The following STYX variants were observed in gnomAD, a reference collection of about 807,000 sequenced individuals.
The protein encoded by STYX is serine/threonine/tyrosine interacting protein.
A neutral mutation model predicts 42.7 loss-of-function variants in STYX; 20 were observed. That is an observed-to-expected ratio of 0.47 (90% CI 0.33 to 0.68). STYX has a LOEUF of 0.68. STYX is among the 30% of genes least tolerant of loss of function. The pLI is 0.02. For missense variants in STYX, 226 were observed against 268.5 expected (o/e 0.84, Z 1.11); for synonymous variants, 78 against 81.9 (o/e 0.95, Z 0.26).
intron 9 of STYX, among the ~76,000 whole-genome samples, chr14:52,764,957 C>T (rs1298482106): frequency 2.0e-5 from 3 of 152,138 alleles, no homozygotes; most frequent in Non-Finnish European, 4.4e-5. Flanking sequence ...GCGTGAGCCA[C>T]GGCGCCCAGC....
chr14:52,743,738 T>C (rs1298550853), intron 1 of STYX, among the ~76,000 whole-genome samples: 6 of 152,244 alleles, frequency 3.9e-5, no homozygotes, highest in Admixed American at 3.9e-4. Flanking sequence ...TTCAGAAACC[T>C]AATTACTAAT....
At chr14:52,744,248 C>G (rs1881310530) in intron 1 of STYX, among the ~76,000 whole-genome samples, 1 of 152,026 alleles carries the variant, frequency 6.6e-6, no homozygotes, top group Admixed American at 6.6e-5. Context: ...GGTCTGCATT[C>G]CAAAGACAAA....
At chr14:52,754,785 C>T (rs1220634971) in intron 4 of STYX, among the ~76,000 whole-genome samples, 2 of 152,160 alleles carry the variant, frequency 1.3e-5, no homozygotes, top group Non-Finnish European at 2.9e-5. Context: ...TCATACTATT[C>T]ATTTCTAATG....
Position 52,750,793 on chromosome 14 carries a change from G to T in STYX, c.242+13G>T. The T allele has an allele frequency of 6.7e-7, 1 of 1,486,576 alleles. No homozygotes were observed. The highest frequency in any genetic ancestry group is 2.0e-5 in the Admixed American group (1 of 50,840). The allele number at this position is 1,486,576 out of a possible 1,614,324, so 92.1% of individuals were successfully genotyped here. The stretch of plus-strand genomic sequence containing the variant: ...AGCAGTTATTTAGGTAAGAATTATT[G>T]CTATGATTTGTAAAACACTTAATGA... On this transcript the variant is annotated intron_variant, in intron 4 of 10. Transcript: ENST00000354586.
intron 1 of STYX, among the ~76,000 whole-genome samples, chr14:52,738,625 C>G (rs1381359300): frequency 6.6e-6 from 1 of 152,126 alleles, no homozygotes; most frequent in Admixed American, 6.5e-5. Flanking sequence ...TGAGGAAATG[C>G]CACTCCAAAA....
At chr14:52,753,892 ATTTTTTTTTTTTT>A (rs56734068) in intron 4 of STYX, among the ~76,000 whole-genome samples, 1 of 77,234 alleles carries the variant, frequency 1.3e-5, no homozygotes, top group Non-Finnish European at 2.5e-5. Flanking sequence ...CAAAACACTG[ATTTTTTTTTTTTT>A]TTTTTTTTTT....
At chr14:52,757,435 G>A (rs1284613049) in intron 6 of STYX, 80 bp downstream of exon 6, 5 of 1,290,000 alleles carry the variant, frequency 3.9e-6, no homozygotes, top group African/African-American at 1.5e-5. Flanking sequence ...TGTCTTAAAT[G>A]CAGGATATGG....
intron 1 of STYX, among the ~76,000 whole-genome samples, chr14:52,742,550 C>G (rs995774454): frequency 1.3e-5 from 2 of 152,096 alleles, no homozygotes; most frequent in African/African-American, 2.4e-5. Flanking sequence ...AAAAATCTAA[C>G]TCACTTTTAT....
At chr14:52,754,991 A>G (rs1209931954) in intron 4 of STYX, among the ~76,000 whole-genome samples, 1 of 152,132 alleles carries the variant, frequency 6.6e-6, no homozygotes, top group Non-Finnish European at 1.5e-5. Flanking sequence ...CCCCTGAAGC[A>G]TTATTTTATG....
At chr14:52,755,501 G>C (rs1013729601) in intron 4 of STYX, among the ~76,000 whole-genome samples, 2 of 152,062 alleles carry the variant, frequency 1.3e-5, no homozygotes, top group African/African-American at 2.4e-5. Flanking sequence ...GTATTTTTTA[G>C]TGCAAAATTG....
At position 52,752,910 on chromosome 14, in the gene STYX, T is replaced by TA. The variant is rs551672307; in HGVS notation, c.242+2130_242+2131insA. On this transcript the variant is annotated intron_variant, in intron 4 of 10. Coordinates refer to ENST00000354586, the MANE Select transcript of STYX (RefSeq NM_145251.4). ...TTTTTTTTTTTTTTGAGATGGAGTC[T>TA]CACTCTGTCACCCAGGCTGGAGTGC... Among the ~76,000 whole-genome samples, 40 of 140,604 alleles carry TA rather than the reference T, an allele frequency of 2.8e-4. No individual in the cohort carries two copies. In the South Asian group the frequency reaches 9.7e-3, roughly 34 times the overall value. 92.2% of individuals were successfully genotyped at this position (140,604 alleles called of 152,430 possible).
At chr14:52,752,962 C>T (rs536690705) in intron 4 of STYX, among the ~76,000 whole-genome samples, 8 of 147,392 alleles carry the variant, frequency 5.4e-5, no homozygotes, top group Admixed American at 3.4e-4. Flanking sequence ...CTCACTGCAA[C>T]CTCTGCCTCC....
intron 10 of STYX, among the ~76,000 whole-genome samples, chr14:52,769,920 A>G (rs918160624): frequency 6.6e-6 from 1 of 152,060 alleles, no homozygotes; most frequent in African/African-American, 2.4e-5. Context: ...ATAGAATGCC[A>G]TATGCCCTTC....
chr14:52,757,754 G>A lies in STYX; in HGVS notation c.352G>A (p.Val118Met). Residue 118 changes from valine (V) to methionine (M), a missense_variant, in exon 7 of 11, where the codon GTG (valine) becomes ATG (methionine). Transcript: ENST00000354586. ...GSLQMGGKVLVHGNAGISRSA... is the reference protein window; with the variant it reads ...GSLQMGGKVLMHGNAGISRSA... The stretch of plus-strand genomic sequence containing the variant: ...TTCATGTTTTTCAGGAAAAGTTCTT[G>A]TGCATGGAAATGCAGGGATCTCCAG... The A allele has an allele frequency of 1.9e-6, 3 of 1,613,432 alleles. No homozygotes were observed. The highest frequency in any genetic ancestry group is 2.5e-6 in the Non-Finnish European group (3 of 1,179,694).
chr14:52,737,160 T>C (rs775132092), intron 1 of STYX, among the ~76,000 whole-genome samples: 2 of 152,224 alleles, frequency 1.3e-5, no homozygotes, highest in Non-Finnish European at 2.9e-5. Flanking sequence ...ACATATCCCC[T>C]GTGGATAAGG....
At chr14:52,746,587 G>A (rs913151635) in intron 3 of STYX, 108 bp downstream of exon 3, 5 of 891,292 alleles carry the variant, frequency 5.6e-6, no homozygotes, top group Non-Finnish European at 8.5e-6. Flanking sequence ...CACAAATACT[G>A]TCTGTTAACA....
At chr14:52,770,982 T>C in intron 10 of STYX, 51 bp from the exon 11 acceptor site, 1 of 1,573,630 alleles carries the variant, frequency 6.4e-7, no homozygotes, top group Non-Finnish European at 8.7e-7. Flanking sequence ...TGTAACCTTT[T>C]AACATGAATT....
chr14:52,732,091 GTTTTTTT>G (rs560828155), intron 1 of STYX, among the ~76,000 whole-genome samples: 11 of 86,000 alleles, frequency 1.3e-4, no homozygotes, highest in Admixed American at 7.5e-4. Context: ...TATACTCATG[GTTTTTTT>G]TTTTTTTTTT....
At chr14:52,766,843 C>CT (rs1211127004) in intron 9 of STYX, among the ~76,000 whole-genome samples, 120 of 143,296 alleles carry the variant, frequency 8.4e-4, no homozygotes, top group Middle Eastern at 3.7e-3. Context: ...CAGCTTTGTT[C>CT]TTTTTTTTTT....
Sources: allele counts gnomAD v4.1 joint callset (sites outside exome capture counted in the v4.1 genomes callset), GRCh38; gene constraint gnomAD v4.1.1; transcripts MANE v1.5; gene names NCBI Gene and HGNC (gene_info 2026-07-23, HGNC 2026-07-21).